Variants in TRPC7 observed in about 807,000 individuals in gnomAD.
The protein encoded by TRPC7 is transient receptor potential cation channel subfamily C member 7.
TRPC7 carries 42 observed loss-of-function variants against 90.1 expected under a neutral mutation model. The observed-to-expected ratio is 0.47, with a 90% confidence interval of 0.36 to 0.60. TRPC7 has a LOEUF of 0.60. Among genes scored for constraint, TRPC7 ranks in the 20% least tolerant of loss-of-function variants. TRPC7 has a pLI of 0.00. For missense variants in TRPC7, 955 were observed against 1,112.3 expected (o/e 0.86, Z 2.01); for synonymous variants, 451 against 436.3 (o/e 1.03, Z -0.42).
intron 2 of TRPC7, among the ~76,000 whole-genome samples, chr5:136,354,569 C>G (rs1407157918): frequency 6.6e-6 from 1 of 152,192 alleles, no homozygotes; most frequent in Admixed American, 6.5e-5. Flanking sequence ...TTTTCTCTCT[C>G]TTCAGTCCCA....
In TRPC7 at chr5:136,231,569, C is replaced by A; in HGVS notation, c.1845-20G>T. ...TCAACCCTGCAAAGAAACAGACGGTCCTTTTACGCAGTTTGCATCAGCTTG... is the reference window on the plus strand; with the variant it reads ...TCAACCCTGCAAAGAAACAGACGGTACTTTTACGCAGTTTGCATCAGCTTG... On this transcript the variant is annotated intron_variant, in intron 7 of 11. Coordinates refer to ENST00000513104, the MANE Select transcript of TRPC7 (RefSeq NM_020389.3). 6.4e-7 allele frequency: 1 copy of A among 1,567,616 alleles called. No homozygotes were observed. Among genetic ancestry groups the A allele is most frequent in the South Asian group, 1.2e-5 (1 of 85,896 alleles).
intron 3 of TRPC7, among the ~76,000 whole-genome samples, chr5:136,289,945 T>G (rs1178610726): frequency 1.3e-5 from 2 of 152,142 alleles, no homozygotes; most frequent in Non-Finnish European, 2.9e-5. Context: ...GAGACAAAAC[T>G]TCCAGAGGAA....
In TRPC7 at chr5:136,355,764, C is replaced by T. The variant is rs183183950; in HGVS notation, c.780+844G>A. 6.4e-4 allele frequency among the ~76,000 whole-genome samples: 97 copies of T among 152,238 alleles called. 1 individual carries two copies. The highest frequency in any genetic ancestry group is 1.2e-3 in the South Asian group (6 of 4,820). On this transcript the variant is annotated intron_variant, in intron 2 of 11. Coordinates refer to ENST00000513104, the MANE Select transcript of TRPC7 (RefSeq NM_020389.3). ...AGTGAGCCAAGATCGTGCCACTGCACTCTAGCCTGGGTGACAGTGCAAGAC... is the reference window on the plus strand; with the variant it reads ...AGTGAGCCAAGATCGTGCCACTGCATTCTAGCCTGGGTGACAGTGCAAGAC...
In TRPC7 at chr5:136,357,229, A is replaced by G. The variant is rs1760418296; in HGVS notation, c.159T>C (p.Tyr53=). ...EEERFLDSAE[Y]GNIPVVRKML... ...TTTTCCGGACCACCGGGATGTTGCC[A>G]TACTCAGCCGAGTCCAGGAAGCGCT... is the stretch of plus-strand genomic sequence containing the variant. The change falls in exon 2 of 12, where the codon TAT becomes TAC. Residue 53 remains tyrosine (Y), a synonymous_variant. Coordinates refer to ENST00000513104, the MANE Select transcript of TRPC7 (RefSeq NM_020389.3). The G allele has an allele frequency of 4.3e-6, 7 of 1,613,784 alleles. No individual in the cohort carries two copies. Among genetic ancestry groups the G allele is most frequent in the Non-Finnish European group, 5.9e-6 (7 of 1,179,988 alleles).
intron 2 of TRPC7, among the ~76,000 whole-genome samples, chr5:136,336,759 G>A (rs2149849621): frequency 6.6e-6 from 1 of 152,180 alleles, no homozygotes; most frequent in African/African-American, 2.4e-5. Flanking sequence ...AGAACATGTG[G>A]TATTTAGTTA....
At chr5:136,326,436 A>G (rs2149844240) in intron 2 of TRPC7, among the ~76,000 whole-genome samples, 1 of 152,296 alleles carries the variant, frequency 6.6e-6, no homozygotes, top group Admixed American at 6.5e-5. Flanking sequence ...TCCTGTAGAC[A>G]TTTTCCTCCT....
rs76894320 is a variant in TRPC7 at position 136,219,402 on chromosome 5, C to T, written c.2344-3127G>A. Among the ~76,000 whole-genome samples the T allele has an allele frequency of 4.8e-3, 725 of 152,340 alleles. 7 individuals are homozygous for T. The highest frequency in any genetic ancestry group is 0.017 in the African/African-American group (690 of 41,582). On this transcript the variant is annotated intron_variant, in intron 10 of 11. Transcript: ENST00000513104. ...AGGGACACTTTAGCCTTCCTCCTCA[C>T]CTCCAGGGCACTTCCCAGAGTGACA... is the stretch of plus-strand genomic sequence containing the variant.
chr5:136,299,604 G>A (rs1758308537), intron 3 of TRPC7, among the ~76,000 whole-genome samples: 1 of 152,208 alleles, frequency 6.6e-6, no homozygotes, highest in East Asian at 1.9e-4. Flanking sequence ...TAATGCATGT[G>A]GTACATATTG....
intron 3 of TRPC7, among the ~76,000 whole-genome samples, chr5:136,315,378 G>C (rs1758974894): frequency 6.6e-6 from 1 of 152,128 alleles, no homozygotes; most frequent in Non-Finnish European, 1.5e-5. Flanking sequence ...TCATGCTTCT[G>C]CTCTCTCTCC....
intron 8 of TRPC7, among the ~76,000 whole-genome samples, chr5:136,229,046 G>A (rs560659413): frequency 6.6e-6 from 1 of 152,304 alleles, no homozygotes; most frequent in South Asian, 2.1e-4. Context: ...CGGGGGGAGT[G>A]GTGCAGAGAC....
intron 3 of TRPC7, among the ~76,000 whole-genome samples, chr5:136,311,128 G>A (rs188394211): frequency 1.3e-5 from 2 of 152,198 alleles, no homozygotes; most frequent in African/African-American, 4.8e-5. Flanking sequence ...GACTCTCTGG[G>A]TCTCTTTGTC....
intron 2 of TRPC7, among the ~76,000 whole-genome samples, chr5:136,347,599 G>A (rs893591611): frequency 3.3e-5 from 5 of 152,186 alleles, no homozygotes; most frequent in Admixed American, 6.5e-5. Context: ...CCATTCTGGA[G>A]TTATCACTTC....
chr5:136,357,220 G>C lies in TRPC7; in HGVS notation c.168C>G (p.Ile56Met). The change falls in exon 2 of 12, where the codon ATC (isoleucine) becomes ATG (methionine). Residue 56 changes from isoleucine (I) to methionine (M), a missense_variant. Ile to Met is a conservative substitution (Grantham distance 10). Transcript: ENST00000513104. Reference protein sequence around the residue: ...RFLDSAEYGNIPVVRKMLEES... With the variant: ...RFLDSAEYGNMPVVRKMLEES... ...CCTCCAGCATTTTCCGGACCACCGG[G>C]ATGTTGCCATACTCAGCCGAGTCCA... The C allele has an allele frequency of 6.2e-7, 1 of 1,613,986 alleles. No individual in the cohort carries two copies. The highest frequency in any genetic ancestry group is 8.5e-7 in the Non-Finnish European group (1 of 1,179,998).
At chr5:136,264,526 C>T (rs1012632562) in intron 5 of TRPC7, among the ~76,000 whole-genome samples, 3 of 151,926 alleles carry the variant, frequency 2.0e-5, no homozygotes, top group Non-Finnish European at 4.4e-5. Context: ...CTTTAATGTC[C>T]CTTCCCAACT....
chr5:136,324,739 CA>C (rs1759294828), intron 2 of TRPC7, among the ~76,000 whole-genome samples: 1 of 152,120 alleles, frequency 6.6e-6, no homozygotes, highest in Non-Finnish European at 1.5e-5. Flanking sequence ...TCAATTTTTT[CA>C]AAGGTATTGA....
intron 1 of TRPC7, among the ~76,000 whole-genome samples, chr5:136,358,814 T>C (rs1760470944): frequency 6.6e-6 from 1 of 152,216 alleles, no homozygotes; most frequent in Admixed American, 6.5e-5. Context: ...TACCTGTATT[T>C]TCTATTTTTC....
intron 2 of TRPC7, among the ~76,000 whole-genome samples, chr5:136,329,386 A>G (rs755206392): frequency 2.2e-4 from 34 of 152,208 alleles, no homozygotes; most frequent in Non-Finnish European, 4.4e-4. Context: ...GTCCTTCTAG[A>G]GACAATACAA....
intron 2 of TRPC7, among the ~76,000 whole-genome samples, chr5:136,341,236 T>C (rs1185697110): frequency 6.6e-6 from 1 of 152,078 alleles, no homozygotes; most frequent in African/African-American, 2.4e-5. Context: ...AGTTCATCAA[T>C]AGGGAAATGA....
intron 3 of TRPC7, among the ~76,000 whole-genome samples, chr5:136,280,163 C>G (rs1403030521): frequency 6.6e-6 from 1 of 151,960 alleles, no homozygotes; most frequent in African/African-American, 2.4e-5. Flanking sequence ...CTGTCAAAAA[C>G]AAACAAACAA....
Sources: allele counts gnomAD v4.1 joint callset (sites outside exome capture counted in the v4.1 genomes callset), GRCh38; gene constraint gnomAD v4.1.1; transcripts MANE v1.5; gene names NCBI Gene and HGNC (gene_info 2026-07-23, HGNC 2026-07-21).